The following SGCD variants were observed in gnomAD, a reference collection of about 807,000 sequenced individuals.
SGCD encodes the protein sarcoglycan delta.
SGCD carries 18 observed loss-of-function variants against 36.6 expected under a neutral mutation model. That is an observed-to-expected ratio of 0.49 (90% CI 0.34 to 0.73). SGCD has a LOEUF of 0.73. SGCD is among the 30% of genes least tolerant of loss of function. SGCD has a pLI of 0.01. For missense variants in SGCD, 387 were observed against 346.7 expected (o/e 1.12, Z -0.92); for synonymous variants, 133 against 130.6 (o/e 1.02, Z -0.12).
intron 4 of SGCD, among the ~76,000 whole-genome samples, chr5:156,517,412 C>T (rs1434127823): frequency 1.3e-5 from 2 of 152,124 alleles, no homozygotes; most frequent in African/African-American, 4.8e-5. Context: ...AGTTGGAAAA[C>T]GTACTTCAGA....
intron 1 of SGCD, among the ~76,000 whole-genome samples, chr5:156,082,119 G>GA (rs1454375049): frequency 1.3e-5 from 2 of 152,096 alleles, no homozygotes; most frequent in Admixed American, 1.3e-4. Context: ...TTTAATTAAT[G>GA]AAAAATCAGA....
chr5:156,552,133 C>T (rs538953151), intron 4 of SGCD, among the ~76,000 whole-genome samples: 80 of 152,148 alleles, frequency 5.3e-4, no homozygotes, highest in Non-Finnish European at 5.4e-4. Context: ...GGAGCATCAG[C>T]GAGAACTCCC....
At chr5:156,458,486 A>C (rs1349115822) in intron 3 of SGCD, 30 of 1,608,490 alleles carry the variant, frequency 1.9e-5, no homozygotes, top group Admixed American at 8.3e-5. Context: ...CACAGTCAGC[A>C]AATGACAAGG....
intron 3 of SGCD, among the ~76,000 whole-genome samples, chr5:156,397,463 G>A (rs1018602418): frequency 2.0e-5 from 3 of 152,152 alleles, no homozygotes; most frequent in East Asian, 1.9e-4. Flanking sequence ...TTTCCTCTCC[G>A]TTCTAGAGGA....
At chr5:155,790,932 A>G in the SGCD span, among the ~76,000 whole-genome samples, 161 of 152,268 alleles carry the variant, frequency 1.1e-3, no homozygotes, top group Middle Eastern at 6.8e-3. Context: ...GAAAGAATTG[A>G]TGGACTTTAT....
chr5:156,483,835 C>G (rs539845891), intron 3 of SGCD, among the ~76,000 whole-genome samples: 4 of 152,334 alleles, frequency 2.6e-5, no homozygotes, highest in African/African-American at 9.6e-5. Flanking sequence ...TTCCCGCTAA[C>G]ATTCTTACCA....
chr5:156,634,297 G>T (rs1398364109), intron 6 of SGCD, among the ~76,000 whole-genome samples: 1 of 152,176 alleles, frequency 6.6e-6, no homozygotes, highest in Non-Finnish European at 1.5e-5. Context: ...AGGAAGAAAA[G>T]CTAGTGGATG....
intron 7 of SGCD, among the ~76,000 whole-genome samples, chr5:156,722,138 T>G (rs1413964235): frequency 6.6e-6 from 1 of 152,232 alleles, no homozygotes; most frequent in African/African-American, 2.4e-5. Context: ...AACGCCATTC[T>G]GCTGACTAAC....
At chr5:156,604,202 G>A (rs998429563) in intron 6 of SGCD, among the ~76,000 whole-genome samples, 1 of 151,612 alleles carries the variant, frequency 6.6e-6, no homozygotes, top group Non-Finnish European at 1.5e-5. Context: ...TTTTATATAA[G>A]TATGGCTACT....
intron 3 of SGCD, among the ~76,000 whole-genome samples, chr5:156,313,228 TA>T (rs143575964): frequency 7.9e-5 from 12 of 151,084 alleles, no homozygotes; most frequent in Admixed American, 3.3e-4. Flanking sequence ...TTTCATATGG[TA>T]AAAAAAAAGC....
At chr5:156,370,708 G>T (rs979991974) in intron 3 of SGCD, among the ~76,000 whole-genome samples, 4 of 152,162 alleles carry the variant, frequency 2.6e-5, no homozygotes, top group African/African-American at 9.7e-5. Context: ...TTCCAAGAGG[G>T]AGTGTGGTGG....
chr5:156,205,360 T>G (rs967256811), intron 3 of SGCD, among the ~76,000 whole-genome samples: 1 of 152,040 alleles, frequency 6.6e-6, no homozygotes, highest in Non-Finnish European at 1.5e-5. Flanking sequence ...GGCAAATAAA[T>G]GAAGAATTAC....
intron 1 of SGCD, among the ~76,000 whole-genome samples, chr5:155,962,237 G>A (rs1757805622): frequency 1.3e-5 from 2 of 151,970 alleles, no homozygotes; most frequent in Non-Finnish European, 2.9e-5. Flanking sequence ...AGCCTATGAT[G>A]CCTTACCGAG....
intron 2 of SGCD, among the ~76,000 whole-genome samples, chr5:156,337,280 A>C (rs928930989): frequency 6.6e-6 from 1 of 152,218 alleles, no homozygotes; most frequent in African/African-American, 2.4e-5. Context: ...TCATAGTTAC[A>C]TAATTCATGT....
At chr5:156,437,553 T>C (rs1200244067) in intron 3 of SGCD, among the ~76,000 whole-genome samples, 2 of 152,186 alleles carry the variant, frequency 1.3e-5, no homozygotes, top group Non-Finnish European at 2.9e-5. Context: ...GCAAATGTTA[T>C]AGCATACAAG....
At chr5:156,328,845 T>G (rs1767933730) in intron 1 of SGCD, among the ~76,000 whole-genome samples, 1 of 152,064 alleles carries the variant, frequency 6.6e-6, no homozygotes, top group African/African-American at 2.4e-5. Flanking sequence ...GTGACCTTAT[T>G]TTTTTCTCTA....
chr5:156,316,481 C>T (rs1382861546), intron 3 of SGCD, among the ~76,000 whole-genome samples: 2 of 151,762 alleles, frequency 1.3e-5, no homozygotes, highest in Non-Finnish European at 2.9e-5. Context: ...TCACAAAAGA[C>T]CTCAAATAAC....
chr5:156,612,497 T>G lies in SGCD; in HGVS notation c.502+17446T>G, dbSNP rs557215955. 5.9e-5 allele frequency among the ~76,000 whole-genome samples: 9 copies of G among 152,366 alleles called. No individual in the cohort carries two copies. In the South Asian group the frequency reaches 1.9e-3, roughly 32 times the overall value. Reference sequence around the variant, plus strand: ...GTTACTCACAAGGCTTTCTAGTGGCTGGTTCACCAGCAGGCTGACTGTTGG... The same window carrying G: ...GTTACTCACAAGGCTTTCTAGTGGCGGGTTCACCAGCAGGCTGACTGTTGG... On this transcript the variant is annotated intron_variant, in intron 6 of 8. Coordinates refer to ENST00000337851, the MANE Select transcript of SGCD (RefSeq NM_000337.6).
chr5:156,681,896 G>A (rs904564207), intron 7 of SGCD, among the ~76,000 whole-genome samples: 1 of 152,196 alleles, frequency 6.6e-6, no homozygotes, highest in Admixed American at 6.5e-5. Context: ...AATGGTTTAT[G>A]TCAAATGACG....
Sources: allele counts gnomAD v4.1 joint callset (sites outside exome capture counted in the v4.1 genomes callset), GRCh38; gene constraint gnomAD v4.1.1; transcripts MANE v1.5; gene names NCBI Gene and HGNC (gene_info 2026-07-23, HGNC 2026-07-21).